Variants in RPH3AL observed in about 807,000 individuals in gnomAD.
The protein encoded by RPH3AL is rabphilin 3A like (without C2 domains).
A neutral mutation model predicts 43.1 loss-of-function variants in RPH3AL; 38 were observed. That is an observed-to-expected ratio of 0.88 (90% confidence interval 0.68 to 1.15). RPH3AL has a LOEUF of 1.15. Ranked by LOEUF, RPH3AL falls within the 50% of genes most tolerant of loss-of-function variation. The pLI is 0.00. For missense variants in RPH3AL, 462 were observed against 423.2 expected (o/e 1.09, Z -0.81); for synonymous variants, 189 against 176.3 (o/e 1.07, Z -0.57).
At chr17:276,549 G>A (rs1237088548) in intron 6 of RPH3AL, among the ~76,000 whole-genome samples, 1 of 152,118 alleles carries the variant, frequency 6.6e-6, no homozygotes, top group African/African-American at 2.4e-5. Flanking sequence ...TCACCACGAT[G>A]CCCAGCTAAT....
chr17:250,455 T>C (rs67388736), intron 6 of RPH3AL, among the ~76,000 whole-genome samples: 66,433 of 116,824 alleles, frequency 0.57, 16,835 homozygotes, highest in Non-Finnish European at 0.58. Flanking sequence ...CGGGACCTCT[T>C]AGAGCCTAAG....
At position 346,156 on chromosome 17, in the gene RPH3AL, A is replaced by G. The variant is rs189052848; in HGVS notation, c.-213+6556T>C. Among the ~76,000 whole-genome samples the G allele has an allele frequency of 6.7e-5, 9 of 135,052 alleles. 1 individual carries two copies. The East Asian group carries it at 1.9e-3, about 28-fold the overall frequency. 88.6% of individuals were successfully genotyped at this position (135,052 alleles called of 152,430 possible). ...GAGCAAACTGAGGCTCAGAGAGGTAAATGACAGCTGGTAAGCGACAAAGGC... is the reference window on the plus strand; with the variant it reads ...GAGCAAACTGAGGCTCAGAGAGGTAGATGACAGCTGGTAAGCGACAAAGGC... On this transcript the variant is annotated intron_variant, in intron 1 of 9. Transcript: ENST00000331302.
At chr17:343,245 A>G (rs572606727) in intron 1 of RPH3AL, among the ~76,000 whole-genome samples, 2 of 152,310 alleles carry the variant, frequency 1.3e-5, no homozygotes, top group East Asian at 3.9e-4. Flanking sequence ...GGACTTCCCT[A>G]TCGTGGCACA....
In RPH3AL at chr17:314,468, C is replaced by CGA. The variant is rs2043791846; in HGVS notation, c.351+4951_351+4952insTC. ...CCTCCATTGACCTGTAGTCTCTATG[C>CGA]CCCCACCTCCATTGACCTGTAGTCC... is the stretch of plus-strand genomic sequence containing the variant. On this transcript the variant is annotated intron_variant, in intron 5 of 9. Transcript: ENST00000331302. 2.6e-5 allele frequency among the ~76,000 whole-genome samples: 3 copies of CGA among 115,488 alleles called. No individual in the cohort carries two copies. The Admixed American group carries it at 2.7e-4, about 10-fold the overall frequency. 75.8% of individuals were successfully genotyped at this position (115,488 alleles called of 152,430 possible).
chr17:227,906 T>G (rs1376814480), intron 7 of RPH3AL, among the ~76,000 whole-genome samples: 2 of 152,140 alleles, frequency 1.3e-5, no homozygotes, highest in African/African-American at 4.8e-5. Flanking sequence ...TGTAAAGGAA[T>G]GATGATAAGG....
chr17:302,349 C>A (rs1015874277), intron 5 of RPH3AL, among the ~76,000 whole-genome samples: 8 of 152,348 alleles, frequency 5.3e-5, no homozygotes, highest in African/African-American at 1.9e-4. Flanking sequence ...GTGTAGCAGG[C>A]CAGGCAGGTC....
intron 6 of RPH3AL, among the ~76,000 whole-genome samples, chr17:253,808 AC>A (rs2041991213): frequency 1.3e-4 from 13 of 96,326 alleles, no homozygotes; most frequent in African/African-American, 4.8e-4. Flanking sequence ...ATCCCTAGGA[AC>A]GTGACTACCC....
chr17:335,412 A>G (rs1298530723), intron 1 of RPH3AL, among the ~76,000 whole-genome samples: 1 of 152,052 alleles, frequency 6.6e-6, no homozygotes, highest in Non-Finnish European at 1.5e-5. Context: ...TTTCCACACC[A>G]GGGGTGGCTG....
chr17:273,068 CGACG>C (rs2042543391), intron 6 of RPH3AL, among the ~76,000 whole-genome samples: 5 of 53,596 alleles, frequency 9.3e-5, no homozygotes, highest in African/African-American at 1.7e-4. Context: ...CCAGCGAGGG[CGACG>C]TCAGGGAGAG....
chr17:222,822 C>T (rs925962875), intron 7 of RPH3AL, among the ~76,000 whole-genome samples: 4 of 152,194 alleles, frequency 2.6e-5, no homozygotes, highest in Non-Finnish European at 2.9e-5. Flanking sequence ...TTTTCCATTT[C>T]TTCCTCTTGG....
At chr17:307,989 T>C (rs2043543284) in intron 5 of RPH3AL, among the ~76,000 whole-genome samples, 1 of 152,144 alleles carries the variant, frequency 6.6e-6, no homozygotes. Context: ...CAGACAGCCT[T>C]GGAGATGCAA....
chr17:282,409 T>A (rs1160221113), intron 5 of RPH3AL, among the ~76,000 whole-genome samples: 12 of 152,178 alleles, frequency 7.9e-5, no homozygotes. Context: ...TGGCAGAGTC[T>A]GAGGATATGC....
chr17:352,436 CG>C (rs1420286276), intron 1 of RPH3AL, among the ~76,000 whole-genome samples: 1 of 151,902 alleles, frequency 6.6e-6, no homozygotes, highest in African/African-American at 2.4e-5. Context: ...TCTCCAGCCC[CG>C]GCTGCCTCTT....
chr17:311,603 A>AT (rs1171200158), intron 5 of RPH3AL, among the ~76,000 whole-genome samples: 23 of 152,138 alleles, frequency 1.5e-4, no homozygotes, highest in Non-Finnish European at 3.2e-4. Context: ...CTCTTTTTGG[A>AT]TCCCCCCAAC....
chr17:258,767 T>G (rs1478326858), intron 6 of RPH3AL, among the ~76,000 whole-genome samples: 2 of 150,108 alleles, frequency 1.3e-5, no homozygotes, highest in South Asian at 2.1e-4. Flanking sequence ...GTTTTTTTTT[T>G]TTTTTTTTTT....
rs1293800982 is a variant in RPH3AL, at chr17:323,144, C to T, written c.78-1729G>A. On this transcript the variant is annotated intron_variant, in intron 3 of 9. Transcript: ENST00000331302. The surrounding 1 kb of genome is among the most constrained non-coding windows in gnomAD (Gnocchi z 4.4). ...CTTTTGCAGGATGAACAGGTGCTTC[C>T]CCATGGAAGGAGGGAGGCGGGTTCA... Among the ~76,000 whole-genome samples, 3 of 151,968 alleles carry T rather than the reference C, an allele frequency of 2.0e-5. No homozygotes were observed. Among genetic ancestry groups the T allele is most frequent in the Non-Finnish European group, 4.4e-5 (3 of 68,000 alleles).
At chr17:256,267 G>A (rs1414217463) in intron 6 of RPH3AL, among the ~76,000 whole-genome samples, 7 of 84,544 alleles carry the variant, frequency 8.3e-5, no homozygotes, top group South Asian at 7.4e-4. Context: ...CACGGCGTCT[G>A]TCCTTTTCCA....
intron 2 of RPH3AL, chr17:331,689 G>A (rs901280025): frequency 2.6e-5 from 34 of 1,287,738 alleles, no homozygotes; most frequent in East Asian, 5.6e-5. Context: ...CTCATCAGCC[G>A]ACCCCCATGC....
chr17:319,749 T>C (rs2044406653), intron 4 of RPH3AL, among the ~76,000 whole-genome samples, 200 bp from the exon 5 acceptor site: 1 of 149,728 alleles, frequency 6.7e-6, no homozygotes. Context: ...CATCAGACAC[T>C]GGGAATACTG....
Sources: allele counts gnomAD v4.1 joint callset (sites outside exome capture counted in the v4.1 genomes callset), GRCh38; gene constraint gnomAD v4.1.1; non-coding constraint Gnocchi (gnomAD v3.1); transcripts MANE v1.5; gene names NCBI Gene and HGNC (gene_info 2026-07-23, HGNC 2026-07-21).